The following BIN3 variants were observed in gnomAD, a reference collection of about 807,000 sequenced individuals.
BIN3 encodes the protein bridging integrator 3.
A neutral mutation model predicts 38.2 loss-of-function variants in BIN3; 41 were observed. The observed-to-expected ratio is 1.07, with a 90% CI of 0.84 to 1.39. BIN3 has a LOEUF of 1.39. Ranked by LOEUF, BIN3 falls within the 40% of genes most tolerant of loss-of-function variation. The probability of loss-of-function intolerance (pLI) is 0.00; values close to 1 mark genes in which losing one functional copy is unlikely to be tolerated. For missense variants in BIN3, 361 were observed against 324.3 expected (o/e 1.11, Z -0.87); for synonymous variants, 145 against 122.6 (o/e 1.18, Z -1.21).
At chr8:22,654,060 T>C (rs530666607) in intron 1 of BIN3, among the ~76,000 whole-genome samples, 4 of 152,300 alleles carry the variant, frequency 2.6e-5, no homozygotes, top group African/African-American at 9.6e-5. Flanking sequence ...AGGTACTTAG[T>C]ACCAACTCCC....
rs140874740 is a variant in BIN3, at chr8:22,635,740, C to G, written c.160+785G>C. The stretch of plus-strand genomic sequence containing the variant: ...CAGAGCTGCGCAGGGAGTGCTGAAG[C>G]TATTGATCAACCTTTGGTCAAGTGC... On this transcript the variant is annotated intron_variant, in intron 4 of 8. Transcript: ENST00000276416. Among the ~76,000 whole-genome samples, 323 of 152,294 alleles carry G rather than the reference C, an allele frequency of 2.1e-3. 11 individuals carry two copies. In the East Asian group the frequency reaches 0.052, roughly 24 times the overall value.
intron 1 of BIN3, among the ~76,000 whole-genome samples, chr8:22,666,780 T>C (rs1278402910): frequency 1.3e-5 from 2 of 152,210 alleles, no homozygotes; most frequent in Admixed American, 6.5e-5. Flanking sequence ...CTGGGGACCA[T>C]GGGCCATGTG....
intron 1 of BIN3, among the ~76,000 whole-genome samples, chr8:22,648,136 C>CAAAAAA (rs55869105): frequency 9.8e-6 from 1 of 102,390 alleles, no homozygotes. Context: ...CTCCGTCTCT[C>CAAAAAA]AAAAAAAAAA....
chr8:22,624,339 G>A lies in BIN3; in HGVS notation c.363C>T (p.Leu121=). ...LKKFGSVFPS[L]NMAVKRREQA... ...GTTCCCGCCTCTTCACAGCCATGTT[G>A]AGGCTCGGGAAGACACTGCCGAACC... Residue 121 remains leucine (L), a synonymous_variant, in exon 7 of 9, where the codon CTC becomes CTT. Coordinates refer to ENST00000276416, the MANE Select transcript of BIN3 (RefSeq NM_018688.6). 6.2e-7 allele frequency: 1 copy of A among 1,613,678 alleles called. No individual in the cohort carries two copies. The highest frequency in any genetic ancestry group is 8.5e-7 in the Non-Finnish European group (1 of 1,179,762).
chr8:22,640,018 C>T (rs201756773), intron 2 of BIN3, among the ~76,000 whole-genome samples: 43 of 152,068 alleles, frequency 2.8e-4, no homozygotes, highest in East Asian at 1.9e-3. Flanking sequence ...TGTGCCACCG[C>T]GCCTGGCTAA....
At chr8:22,633,616 G>T (rs529044121) in intron 4 of BIN3, among the ~76,000 whole-genome samples, 1 of 152,352 alleles carries the variant, frequency 6.6e-6, no homozygotes, top group South Asian at 2.1e-4. Context: ...CCTTGCTGGG[G>T]GAGCGCAGGA....
intron 1 of BIN3, among the ~76,000 whole-genome samples, chr8:22,662,148 G>A (rs1246203070): frequency 6.6e-6 from 1 of 152,164 alleles, no homozygotes; most frequent in East Asian, 1.9e-4. Flanking sequence ...TTCTCCAGAG[G>A]CTGGGCATCT....
At chr8:22,626,255 G>C (rs1029551737) in intron 6 of BIN3, 1 of 152,276 alleles carries the variant, frequency 6.6e-6, no homozygotes, top group Non-Finnish European at 1.5e-5. Flanking sequence ...TCAGCACTAC[G>C]GAACTGAGGG....
At chr8:22,653,253 C>T (rs747867591) in intron 1 of BIN3, among the ~76,000 whole-genome samples, 23 of 152,094 alleles carry the variant, frequency 1.5e-4, no homozygotes, top group Non-Finnish European at 2.2e-4. Flanking sequence ...CAGTGTGTTC[C>T]GCTGATTTGC....
chr8:22,628,240 T>G (rs529012858), intron 6 of BIN3, among the ~76,000 whole-genome samples: 2 of 152,270 alleles, frequency 1.3e-5, no homozygotes, highest in East Asian at 3.9e-4. Flanking sequence ...GACTGGGGAT[T>G]AGAGGCCGAG....
chr8:22,667,579 T>C (rs963272577), intron 1 of BIN3, among the ~76,000 whole-genome samples: 1 of 152,114 alleles, frequency 6.6e-6, no homozygotes, highest in South Asian at 2.1e-4. Flanking sequence ...TGAAAGGACG[T>C]AATTCCTCTG....
intron 4 of BIN3, among the ~76,000 whole-genome samples, chr8:22,633,517 A>G (rs772418006): frequency 1.3e-5 from 2 of 152,232 alleles, no homozygotes; most frequent in Admixed American, 6.5e-5. Context: ...TCTGGAATGT[A>G]AGATTCAAAG....
At chr8:22,625,364 A>T in intron 6 of BIN3, 3 of 702,260 alleles carry the variant, frequency 4.3e-6, no homozygotes, top group Non-Finnish European at 7.8e-6. Context: ...GGAGCTCATG[A>T]CTCTGTGGCC....
At chr8:22,625,224 G>A in intron 6 of BIN3, 1 of 682,128 alleles carries the variant, frequency 1.5e-6, no homozygotes, top group Non-Finnish European at 2.7e-6. Flanking sequence ...GTCCTCTAGT[G>A]ACCAGGAGCA....
intron 1 of BIN3, among the ~76,000 whole-genome samples, chr8:22,663,631 T>C (rs1218185202): frequency 6.6e-6 from 1 of 152,122 alleles, no homozygotes; most frequent in African/African-American, 2.4e-5. Flanking sequence ...GTCCTCAGCA[T>C]GGCACTGAAA....
chr8:22,629,950 T>A lies in BIN3; in HGVS notation c.338+14A>T. ...CCATAAGTGCCCCGAGGCCCCCAGG[T>A]GACATTTACTCACTTTTTTAAGGGC... On this transcript the variant is annotated intron_variant, in intron 6 of 8. Transcript: ENST00000276416. The A allele has an allele frequency of 6.2e-7, 1 of 1,602,012 alleles. No homozygotes were observed. Among genetic ancestry groups the A allele is most frequent in the Non-Finnish European group, 8.5e-7 (1 of 1,173,440 alleles).
At chr8:22,628,617 G>A (rs1173445565) in intron 6 of BIN3, among the ~76,000 whole-genome samples, 1 of 152,214 alleles carries the variant, frequency 6.6e-6, no homozygotes, top group East Asian at 1.9e-4. Flanking sequence ...CAGAAGCCAG[G>A]GATCAGATTT....
At chr8:22,636,076 C>A (rs558732432) in intron 4 of BIN3, among the ~76,000 whole-genome samples, 1 of 152,200 alleles carries the variant, frequency 6.6e-6, no homozygotes, top group Non-Finnish European at 1.5e-5. Context: ...GTATTTCTGG[C>A]CTTACACTTT....
chr8:22,637,745 C>T (rs960662974), intron 2 of BIN3, among the ~76,000 whole-genome samples: 1 of 152,178 alleles, frequency 6.6e-6, no homozygotes, highest in African/African-American at 2.4e-5. Context: ...TAAATGACAT[C>T]GAGAGGCAAA....
Sources: gnomAD v4.1 joint callset for allele counts (sites outside exome capture counted in the v4.1 genomes callset) on GRCh38, gnomAD v4.1.1 for gene constraint, MANE v1.5 for transcripts, NCBI Gene and HGNC (gene_info 2026-07-23, HGNC 2026-07-21) for gene names.